Variants in CDH9 observed in about 807,000 individuals in gnomAD.
The protein encoded by CDH9 is cadherin 9.
Under a neutral mutation model 70.9 loss-of-function variants are expected in CDH9, and 28 were observed. The observed-to-expected ratio is 0.40, with a 90% CI of 0.29 to 0.54. The LOEUF (loss-of-function observed/expected upper bound fraction) is 0.54. CDH9 is among the 20% of genes least tolerant of loss of function. The pLI, the probability that CDH9 is intolerant of heterozygous loss-of-function variation, is 0.59. For missense variants in CDH9, 874 were observed against 984.4 expected (o/e 0.89, Z 1.50); for synonymous variants, 409 against 343.1 (o/e 1.19, Z -2.12).
intron 2 of CDH9, among the ~76,000 whole-genome samples, chr5:26,966,149 T>C (rs115860184): frequency 0.011 from 1,621 of 152,244 alleles, 30 homozygotes; most frequent in African/African-American, 0.037. Context: ...CTGGAGTTCC[T>C]CATATCCAGT....
rs185329411 is a variant in CDH9 at position 26,974,949 on chromosome 5, A to C, written c.228+13157T>G. 1.6e-3 allele frequency among the ~76,000 whole-genome samples: 238 copies of C among 152,230 alleles called. 1 individual carries two copies. In the Middle Eastern group the frequency reaches 0.02, roughly 13 times the overall value. The stretch of plus-strand genomic sequence containing the variant: ...ATCTCTAGAATCTATCCATCCTATC[A>C]CTAACAGTTTTGACCCTTTGACCAA... On this transcript the variant is annotated intron_variant, in intron 2 of 11. Transcript: ENST00000231021.
chr5:26,922,138 GGAGA>G (rs1320047189), intron 2 of CDH9, among the ~76,000 whole-genome samples: 18 of 151,430 alleles, frequency 1.2e-4, no homozygotes, highest in Non-Finnish European at 2.7e-4. Flanking sequence ...GCCTTAAAGA[GGAGA>G]GAGAGATGAG....
chr5:26,885,602 G>A lies in CDH9; in HGVS notation c.1882+12C>T, dbSNP rs200213618. 3.7e-6 allele frequency: 6 copies of A among 1,610,960 alleles called. No individual in the cohort carries two copies. The highest frequency in any genetic ancestry group is 4.2e-6 in the Non-Finnish European group (5 of 1,178,412). On this transcript the variant is annotated intron_variant, in intron 11 of 11. Transcript: ENST00000231021. ...TGTGAGTTAAAGGATCATTCAGAGGGGCAGAGCTTACTAAGCAGTATGAGG... is the reference window on the plus strand; with the variant it reads ...TGTGAGTTAAAGGATCATTCAGAGGAGCAGAGCTTACTAAGCAGTATGAGG...
Position 27,027,016 on chromosome 5 carries a change from G to A in CDH9, c.-50+11447C>T, listed in dbSNP as rs140040423. On this transcript the variant is annotated intron_variant, in intron 1 of 11. Coordinates refer to ENST00000231021, the MANE Select transcript of CDH9 (RefSeq NM_016279.4). ...GACTAAAAGGGGGAAGTCGTAAATA[G>A]ATTAAAAAACCAAACTCAAATACTT... Among the ~76,000 whole-genome samples, 673 of 151,936 alleles carry A rather than the reference G, an allele frequency of 4.4e-3. 5 individuals carry two copies. Among genetic ancestry groups the A allele is most frequent in the African/African-American group, 0.015 (641 of 41,510 alleles).
chr5:27,001,962 C>G (rs1227500941), intron 1 of CDH9, among the ~76,000 whole-genome samples: 1 of 150,882 alleles, frequency 6.6e-6, no homozygotes, highest in Non-Finnish European at 1.5e-5. Flanking sequence ...AAAACTTGAG[C>G]AACAGAATAA....
chr5:26,912,464 AT>A (rs1741070458), intron 3 of CDH9, among the ~76,000 whole-genome samples: 1 of 151,072 alleles, frequency 6.6e-6, no homozygotes, highest in African/African-American at 2.4e-5. Flanking sequence ...ATTTAGACAC[AT>A]TTATATGGTT....
At chr5:26,998,327 C>A (rs1742702672) in intron 1 of CDH9, among the ~76,000 whole-genome samples, 1 of 152,088 alleles carries the variant, frequency 6.6e-6, no homozygotes, top group African/African-American at 2.4e-5. Flanking sequence ...TTGGAGCCAA[C>A]CCAAATGTCC....
At chr5:26,980,653 C>T (rs1312247365) in intron 2 of CDH9, among the ~76,000 whole-genome samples, 2 of 151,834 alleles carry the variant, frequency 1.3e-5, no homozygotes, top group African/African-American at 4.8e-5. Context: ...AAAAAGGAAA[C>T]ATGGTAGTTT....
intron 2 of CDH9, among the ~76,000 whole-genome samples, chr5:26,942,730 A>G (rs930462366): frequency 3.3e-5 from 5 of 152,174 alleles, no homozygotes; most frequent in African/African-American, 7.2e-5. Flanking sequence ...CTGTAGATAC[A>G]TGCCTTATGT....
chr5:27,012,377 A>G lies in CDH9; in HGVS notation c.-49-23995T>C, dbSNP rs535185611. Among the ~76,000 whole-genome samples, 11 of 152,058 alleles carry G rather than the reference A, an allele frequency of 7.2e-5. No homozygotes were observed. The South Asian group carries it at 2.3e-3, about 32-fold the overall frequency. The stretch of plus-strand genomic sequence containing the variant: ...TAGGATTTTATCTAAATAATCTATT[A>G]TTATACTTGAAACAAATTTTAAAAA... On this transcript the variant is annotated intron_variant, in intron 1 of 11. Coordinates refer to ENST00000231021, the MANE Select transcript of CDH9 (RefSeq NM_016279.4).
At chr5:27,004,969 G>C (rs1233876919) in intron 1 of CDH9, among the ~76,000 whole-genome samples, 1 of 151,950 alleles carries the variant, frequency 6.6e-6, no homozygotes, top group Non-Finnish European at 1.5e-5. Context: ...TATCAATGGA[G>C]AGCAACAAAA....
intron 11 of CDH9, among the ~76,000 whole-genome samples, chr5:26,883,041 T>TATATA (rs1740493751): frequency 1.7e-5 from 1 of 58,040 alleles, no homozygotes; most frequent in Non-Finnish European, 3.3e-5. Context: ...CAGGATCATC[T>TATATA]TATATATATA....
At chr5:26,990,015 A>T (rs1466591845) in intron 1 of CDH9, among the ~76,000 whole-genome samples, 1 of 152,196 alleles carries the variant, frequency 6.6e-6, no homozygotes, top group Non-Finnish European at 1.5e-5. Context: ...AAGTCATGCA[A>T]GTAATAAGTA....
chr5:26,961,591 T>C (rs1390183483), intron 2 of CDH9, among the ~76,000 whole-genome samples: 2 of 152,158 alleles, frequency 1.3e-5, no homozygotes, highest in African/African-American at 4.8e-5. Flanking sequence ...TTCTATCACT[T>C]TTCCTCATCT....
At chr5:26,922,610 A>G (rs1741264538) in intron 2 of CDH9, among the ~76,000 whole-genome samples, 1 of 152,064 alleles carries the variant, frequency 6.6e-6, no homozygotes, top group Non-Finnish European at 1.5e-5. Flanking sequence ...CCTTAATGTA[A>G]AGGAAAAAGA....
chr5:26,886,585 T>C (rs193056202), intron 9 of CDH9, among the ~76,000 whole-genome samples: 1 of 152,048 alleles, frequency 6.6e-6, no homozygotes, highest in Admixed American at 6.6e-5. Context: ...GTCTGTACTA[T>C]CAGAAAGAAA....
At chr5:26,922,038 A>G (rs76883782) in intron 2 of CDH9, among the ~76,000 whole-genome samples, 1 of 151,746 alleles carries the variant, frequency 6.6e-6, no homozygotes, top group African/African-American at 2.4e-5. Flanking sequence ...AAAAAAAAAA[A>G]AAGAGAGAGA....
At chr5:27,015,448 C>T (rs980768480) in intron 1 of CDH9, among the ~76,000 whole-genome samples, 11 of 151,656 alleles carry the variant, frequency 7.3e-5, no homozygotes, top group Admixed American at 2.0e-4. Flanking sequence ...CCACAAAATA[C>T]GGGCAGTTTA....
intron 2 of CDH9, among the ~76,000 whole-genome samples, chr5:26,933,016 ATAT>A (rs1263391659): frequency 5.4e-5 from 8 of 147,510 alleles, no homozygotes; most frequent in African/African-American, 2.0e-4. Context: ...ATTTGTAAAT[ATAT>A]TATATTAATG....
Sources: allele counts gnomAD v4.1 joint callset (sites outside exome capture counted in the v4.1 genomes callset), GRCh38; gene constraint gnomAD v4.1.1; transcripts MANE v1.5; gene names NCBI Gene and HGNC (gene_info 2026-07-23, HGNC 2026-07-21).